SV2C: variants seen among roughly 807,000 people sequenced by gnomAD.
SV2C encodes solute carrier family 22 member B3.
A neutral mutation model predicts 79.7 loss-of-function variants in SV2C; 49 were observed. The observed-to-expected ratio is 0.61, with a 90% CI of 0.49 to 0.78. The LOEUF is 0.78. SV2C is among the 30% of genes least tolerant of loss of function. SV2C has a pLI of 0.00. For missense variants in SV2C, 833 were observed against 912.9 expected (o/e 0.91, Z 1.13); for synonymous variants, 334 against 333.2 (o/e 1.00, Z -0.03).
chr5:76,113,253 A>G (rs568198604), intron 1 of SV2C, among the ~76,000 whole-genome samples: 5 of 152,346 alleles, frequency 3.3e-5, no homozygotes, highest in African/African-American at 1.2e-4. Flanking sequence ...GTGCCAGCAC[A>G]TTGCTCTTAT....
chr5:76,064,269 A>G, the SV2C span, among the ~76,000 whole-genome samples: 1 of 152,154 alleles, frequency 6.6e-6, no homozygotes, highest in African/African-American at 2.4e-5. Flanking sequence ...TCCAGATTCC[A>G]TTCTCTTTCT....
chr5:76,075,645 C>A, the SV2C span: 1 of 276,240 alleles, frequency 3.6e-6, no homozygotes, highest in Non-Finnish European at 7.6e-6. Context: ...GGCAGATCCA[C>A]ACTTAGATGG....
At chr5:75,964,342 C>T in the SV2C span, among the ~76,000 whole-genome samples, 32 of 152,084 alleles carry the variant, frequency 2.1e-4, no homozygotes, top group Non-Finnish European at 3.5e-4. Context: ...CTCTGGGTCA[C>T]GATATTCATT....
chr5:75,932,113 C>T, the SV2C span, among the ~76,000 whole-genome samples: 3 of 152,220 alleles, frequency 2.0e-5, no homozygotes, highest in African/African-American at 7.2e-5. Flanking sequence ...AGTGAGCAGT[C>T]TGGCTTCTGG....
the SV2C span, among the ~76,000 whole-genome samples, chr5:76,054,141 C>A: frequency 6.6e-6 from 1 of 152,036 alleles, no homozygotes; most frequent in African/African-American, 2.4e-5. Context: ...GCTCTCCCTC[C>A]CTTTACCCAC....
chr5:76,032,161 A>G, the SV2C span, among the ~76,000 whole-genome samples: 1 of 152,210 alleles, frequency 6.6e-6, no homozygotes, highest in Non-Finnish European at 1.5e-5. Flanking sequence ...CTTTATTGTT[A>G]TTGATTAACT....
chr5:76,134,652 TA>T (rs1169717499), intron 2 of SV2C, among the ~76,000 whole-genome samples: 1 of 152,214 alleles, frequency 6.6e-6, no homozygotes, highest in Non-Finnish European at 1.5e-5. Context: ...TTGTGTTTGC[TA>T]AAAGATTGAC....
the SV2C span, among the ~76,000 whole-genome samples, chr5:76,060,718 G>A: frequency 6.6e-6 from 1 of 152,034 alleles, no homozygotes; most frequent in Admixed American, 6.6e-5. Context: ...GTGTTCCCTG[G>A]AGTAGCACTT....
chr5:76,004,374 A>G, the SV2C span, among the ~76,000 whole-genome samples: 1 of 152,166 alleles, frequency 6.6e-6, no homozygotes, highest in South Asian at 2.1e-4. Context: ...GCTCTCTAAG[A>G]GTTTTTTTCT....
intron 1 of SV2C, among the ~76,000 whole-genome samples, chr5:76,110,906 T>A (rs1748074803): frequency 1.3e-5 from 2 of 152,194 alleles, no homozygotes; most frequent in Non-Finnish European, 2.9e-5. Flanking sequence ...AAATCTTAGA[T>A]ATGGGTTCAC....
At position 76,333,291 on chromosome 5, in the gene SV2C, T is replaced by G. The variant is rs1372065795; in HGVS notation, c.*7744T>G. 6.6e-6 allele frequency: 1 copy of G among 152,260 alleles called. No individual in the cohort carries two copies. The highest frequency in any genetic ancestry group is 1.5e-5 in the Non-Finnish European group (1 of 68,048). The allele number at this position is 152,260 out of a possible 1,614,324, so 9.4% of individuals were successfully genotyped here. A position where few individuals can be genotyped will look rare whatever the true frequency, so the allele number is the denominator to read the frequency against. ...AGAAATGTCTTTTTTAATATACACT[T>G]TCTTAGCATCCATGCAGTTATGTAT... On this transcript the variant is annotated 3_prime_UTR_variant, in exon 13 of 13. Transcript: ENST00000502798.
chr5:75,883,382 A>G, the SV2C span, among the ~76,000 whole-genome samples: 1 of 145,638 alleles, frequency 6.9e-6, no homozygotes. Flanking sequence ...CTATAGAGAC[A>G]CATGCACACG....
chr5:76,264,537 T>C (rs939164690), intron 4 of SV2C, among the ~76,000 whole-genome samples: 1 of 152,186 alleles, frequency 6.6e-6, no homozygotes, highest in African/African-American at 2.4e-5. Flanking sequence ...ATTTTCAGCA[T>C]TTTTGTGCTG....
intron 4 of SV2C, among the ~76,000 whole-genome samples, chr5:76,223,011 A>G (rs141133748): frequency 7.9e-5 from 12 of 152,218 alleles, no homozygotes; most frequent in African/African-American, 2.9e-4. Context: ...ACAGAGTTGG[A>G]ATGGTGTCTG....
chr5:76,178,091 C>T (rs1388288289), intron 2 of SV2C, among the ~76,000 whole-genome samples: 1 of 152,130 alleles, frequency 6.6e-6, no homozygotes, highest in African/African-American at 2.4e-5. Flanking sequence ...ACCTCTTCAG[C>T]ATATCAGTCT....
At chr5:76,253,285 A>C (rs543776529) in intron 4 of SV2C, among the ~76,000 whole-genome samples, 269 of 152,214 alleles carry the variant, frequency 1.8e-3, no homozygotes, top group African/African-American at 6.0e-3. Context: ...TTGTTTTTTT[A>C]TGTTTTTTGC....
At chr5:76,007,597 G>T in the SV2C span, among the ~76,000 whole-genome samples, 10 of 152,078 alleles carry the variant, frequency 6.6e-5, no homozygotes, top group African/African-American at 9.7e-5. Context: ...CTTCGTCAGG[G>T]TAAGTTAGTA....
intron 1 of SV2C, among the ~76,000 whole-genome samples, chr5:76,092,351 G>A (rs1747404939): frequency 6.6e-6 from 1 of 152,138 alleles, no homozygotes; most frequent in Non-Finnish European, 1.5e-5. Context: ...GTGTTCTAGT[G>A]GCTAAAAAAG....
chr5:76,111,288 T>G (rs909561090), intron 1 of SV2C, among the ~76,000 whole-genome samples: 20 of 152,340 alleles, frequency 1.3e-4, no homozygotes, highest in African/African-American at 4.8e-4. Flanking sequence ...ATAAGTTTCT[T>G]CACTAACTCT....
Sources: gnomAD v4.1 joint callset for allele counts (sites outside exome capture counted in the v4.1 genomes callset) on GRCh38, gnomAD v4.1.1 for gene constraint, MANE v1.5 for transcripts, NCBI Gene and HGNC (gene_info 2026-07-23, HGNC 2026-07-21) for gene names.